The following SIPA1L1 variants were observed in gnomAD, a reference collection of about 807,000 sequenced individuals.
The protein encoded by SIPA1L1 is signal-induced proliferation-associated 1-like protein 1.
SIPA1L1 carries 26 observed loss-of-function variants against 162.7 expected under a neutral mutation model. The observed-to-expected ratio is 0.16, with a 90% CI of 0.12 to 0.22. SIPA1L1 has a LOEUF of 0.22. SIPA1L1 is among the 10% of genes least tolerant of loss of function. SIPA1L1 has a pLI of 1.00. For missense variants in SIPA1L1, 1,874 were observed against 2,241.0 expected, an observed-to-expected ratio of 0.84 and a Z score of 3.31; for synonymous variants, 829 against 837.4, an observed-to-expected ratio of 0.99 and a Z score of 0.17.
intron 2 of SIPA1L1, among the ~76,000 whole-genome samples, chr14:71,421,555 T>C (rs770591089): frequency 1.3e-4 from 19 of 151,978 alleles, no homozygotes; most frequent in Non-Finnish European, 2.4e-4. Context: ...ATAATCACTC[T>C]ACTGTACTCC....
chr14:71,374,162 T>C (rs2039156586), intron 2 of SIPA1L1, among the ~76,000 whole-genome samples: 1 of 152,208 alleles, frequency 6.6e-6, no homozygotes, highest in Non-Finnish European at 1.5e-5. Flanking sequence ...TTTAGAATGA[T>C]GTCAGTATTT....
intron 7 of SIPA1L1, among the ~76,000 whole-genome samples, chr14:71,646,314 C>G (rs1184888102): frequency 6.6e-6 from 1 of 151,930 alleles, no homozygotes; most frequent in Non-Finnish European, 1.5e-5. Context: ...GTAGCTGGGA[C>G]TACAGGTGCC....
intron 2 of SIPA1L1, among the ~76,000 whole-genome samples, chr14:71,384,480 G>A (rs1001509202): frequency 2.0e-5 from 3 of 152,150 alleles, no homozygotes; most frequent in Admixed American, 1.3e-4. Context: ...AAACGACACC[G>A]CCGCCTTGAA....
intron 2 of SIPA1L1, among the ~76,000 whole-genome samples, chr14:71,429,197 A>G (rs1043778178): frequency 1.2e-4 from 18 of 152,102 alleles, no homozygotes; most frequent in African/African-American, 4.1e-4. Context: ...TTCAAGATTA[A>G]TTTTTTAATA....
intron 2 of SIPA1L1, among the ~76,000 whole-genome samples, chr14:71,406,058 CA>C (rs2042009083): frequency 6.6e-6 from 1 of 152,086 alleles, no homozygotes; most frequent in South Asian, 2.1e-4. Flanking sequence ...TGGCTTCAAC[CA>C]ATGTGAAGAC....
intron 7 of SIPA1L1, among the ~76,000 whole-genome samples, chr14:71,626,394 T>A (rs2039988585): frequency 6.6e-6 from 1 of 152,224 alleles, no homozygotes; most frequent in Non-Finnish European, 1.5e-5. Flanking sequence ...CTGTCTTTTT[T>A]TTATCTCCAT....
chr14:71,702,440 T>C lies in SIPA1L1; in HGVS notation c.3581T>C (p.Ile1194Thr), dbSNP rs1316627355. ...SIDRQNTQSD[I>T]GGSGKSTPSW... is the part of the protein sequence containing the mutation. ...GACAGGCAGAACACCCAGTCAGATATTGGTGGCAGCGGAAAATCCACGCCT... is the reference window on the plus strand; with the variant it reads ...GACAGGCAGAACACCCAGTCAGATACTGGTGGCAGCGGAAAATCCACGCCT... Residue 1194 changes from isoleucine (I) to threonine (T), a missense_variant, in exon 15 of 24, where the codon ATT becomes ACT. Coordinates refer to ENST00000381232, the MANE Select transcript of SIPA1L1 (RefSeq NM_001386936.1). The C allele has an allele frequency of 6.2e-7, 1 of 1,614,168 alleles. No homozygotes were observed. The highest frequency in any genetic ancestry group is 8.5e-7 in the Non-Finnish European group (1 of 1,179,990).
intron 5 of SIPA1L1, among the ~76,000 whole-genome samples, chr14:71,611,156 T>C (rs2038160907): frequency 6.6e-6 from 1 of 152,192 alleles, no homozygotes; most frequent in African/African-American, 2.4e-5. Context: ...AGTGGTGCAC[T>C]TCCCAGGAGA....
intron 2 of SIPA1L1, among the ~76,000 whole-genome samples, chr14:71,352,809 T>C (rs1426877885): frequency 6.6e-6 from 1 of 152,246 alleles, no homozygotes; most frequent in African/African-American, 2.4e-5. Context: ...TATTGATTTG[T>C]ATACCTATTA....
At chr14:71,486,430 G>A (rs1028593883) in intron 2 of SIPA1L1, among the ~76,000 whole-genome samples, 29 of 152,200 alleles carry the variant, frequency 1.9e-4, no homozygotes, top group Non-Finnish European at 7.3e-5. Context: ...AAGGAAAACA[G>A]GCAAATGAGA....
chr14:71,540,019 C>T (rs1207726183), intron 4 of SIPA1L1, among the ~76,000 whole-genome samples: 1 of 152,230 alleles, frequency 6.6e-6, no homozygotes, highest in African/African-American at 2.4e-5. Context: ...CTGAGAAATG[C>T]TTCGGCACTG....
chr14:71,589,078 G>C lies in SIPA1L1; in HGVS notation c.1206G>C (p.Gln402His). 1 of 1,614,144 alleles carries C rather than the reference G, an allele frequency of 6.2e-7. No homozygotes were observed. Among genetic ancestry groups the C allele is most frequent in the South Asian group, 1.1e-5 (1 of 91,084 alleles). Residue 402 changes from glutamine (Q) to histidine (H), a missense_variant, in exon 5 of 24, where the codon CAG becomes CAC. By Grantham distance (24) the Gln-to-His change is conservative. Coordinates refer to ENST00000381232, the MANE Select transcript of SIPA1L1 (RefSeq NM_001386936.1). ...LNSKGSLSMD[Q>H]GDDKSNELVM... Reference sequence around the variant, plus strand: ...CCAAAGGAAGCCTCAGCATGGACCAGGGAGATGATAAAAGCAATGAGCTTG... The same window carrying C: ...CCAAAGGAAGCCTCAGCATGGACCACGGAGATGATAAAAGCAATGAGCTTG...
intron 3 of SIPA1L1, among the ~76,000 whole-genome samples, chr14:71,522,649 T>C (rs2052470531): frequency 6.6e-6 from 1 of 152,000 alleles, no homozygotes; most frequent in Non-Finnish European, 1.5e-5. Context: ...TTTAGGCAGA[T>C]TTTAGGTCTA....
At chr14:71,578,872 G>T (rs1347721913) in intron 4 of SIPA1L1, among the ~76,000 whole-genome samples, 1 of 152,120 alleles carries the variant, frequency 6.6e-6, no homozygotes, top group Non-Finnish European at 1.5e-5. Flanking sequence ...GTTATTTGGG[G>T]TTAACGTATT....
intron 2 of SIPA1L1, among the ~76,000 whole-genome samples, chr14:71,455,117 T>G (rs1056960313): frequency 6.6e-6 from 1 of 152,254 alleles, no homozygotes; most frequent in Non-Finnish European, 1.5e-5. Flanking sequence ...ATTTTTATCA[T>G]GTACAGATAC....
intron 9 of SIPA1L1, among the ~76,000 whole-genome samples, chr14:71,658,835 C>G (rs2043279818): frequency 6.6e-6 from 1 of 152,154 alleles, no homozygotes; most frequent in Non-Finnish European, 1.5e-5. Flanking sequence ...TTATAGATTT[C>G]AAAGGAGATA....
intron 2 of SIPA1L1, among the ~76,000 whole-genome samples, chr14:71,506,662 G>C (rs984802056): frequency 4.0e-5 from 6 of 151,688 alleles, no homozygotes. Flanking sequence ...ATATTATTTT[G>C]CTAATTTAGT....
Position 71,654,415 on chromosome 14 carries a change from C to T in SIPA1L1, c.1993+3906C>T, listed in dbSNP as rs563597876. Among the ~76,000 whole-genome samples the T allele has an allele frequency of 6.6e-5, 10 of 152,268 alleles. No homozygotes were observed. The South Asian group carries it at 1.7e-3, about 25-fold the overall frequency. Reference sequence around the variant, plus strand: ...TGGAGACCATCCTCATTTTTAGCTACGTACGTGGATTATTTGGGGGAATTA... The same window carrying T: ...TGGAGACCATCCTCATTTTTAGCTATGTACGTGGATTATTTGGGGGAATTA... On this transcript the variant is annotated intron_variant, in intron 8 of 23. Transcript: ENST00000381232.
At chr14:71,723,989 G>C (rs535980149) in intron 18 of SIPA1L1, 103 bp downstream of exon 18, 1 of 1,402,286 alleles carries the variant, frequency 7.1e-7, no homozygotes, top group East Asian at 2.4e-5. Flanking sequence ...CGGGCTAGGG[G>C]GTTGGCAGGA....
Sources: gnomAD v4.1 joint callset for allele counts (sites outside exome capture counted in the v4.1 genomes callset) on GRCh38, gnomAD v4.1.1 for gene constraint, MANE v1.5 for transcripts, NCBI Gene and HGNC (gene_info 2026-07-23, HGNC 2026-07-21) for gene names.